Variants in CADM2 observed in about 807,000 individuals in gnomAD.
The protein encoded by CADM2 is immunoglobulin superfamily member 4D.
In CADM2, 12 loss-of-function variants were observed where a neutral mutation model predicts 49.8. The observed-to-expected ratio is 0.24, with a 90% CI of 0.15 to 0.39. The LOEUF is 0.39. Among genes scored for constraint, CADM2 ranks in the 10% least tolerant of loss-of-function variants. The pLI, the probability that CADM2 is intolerant of heterozygous loss-of-function variation, is 1.00. For missense variants in CADM2, 378 were observed against 492.3 expected, an observed-to-expected ratio of 0.77 and a Z score of 2.20; for synonymous variants, 214 against 175.4, an observed-to-expected ratio of 1.22 and a Z score of -1.74.
chr3:85,144,747 T>A (rs952162798), intron 1 of CADM2, among the ~76,000 whole-genome samples: 5 of 152,208 alleles, frequency 3.3e-5, no homozygotes, highest in Admixed American at 6.5e-5. Flanking sequence ...AAGATATTTT[T>A]TTAATTTGAT....
At chr3:86,051,967 C>CAA (rs5850728) in intron 8 of CADM2, among the ~76,000 whole-genome samples, 5 of 150,736 alleles carry the variant, frequency 3.3e-5, no homozygotes, top group East Asian at 1.9e-4. Context: ...CAGTGACTTT[C>CAA]AAAAAAAAAC....
At chr3:85,323,664 C>T (rs818217) in intron 1 of CADM2, among the ~76,000 whole-genome samples, 15,834 of 151,516 alleles carry the variant, frequency 0.1, 974 homozygotes, top group African/African-American at 0.17. Flanking sequence ...ATACTCACCA[C>T]CAGAATATCC....
At chr3:86,015,300 C>G (rs865917793) in intron 8 of CADM2, among the ~76,000 whole-genome samples, 1 of 152,136 alleles carries the variant, frequency 6.6e-6, no homozygotes, top group Admixed American at 6.5e-5. Context: ...TGAAAACCTA[C>G]CTGTTCTTCC....
rs111721752 is a variant in CADM2 at position 85,101,463 on chromosome 3, G to A, written c.61+141795G>A. 4.3e-3 allele frequency among the ~76,000 whole-genome samples: 661 copies of A among 152,202 alleles called. 2 individuals are homozygous for A. The highest frequency in any genetic ancestry group is 0.01 in the Admixed American group (155 of 15,286). ...GTAGATCACTTACATTTCTTAAAAT[G>A]TGGTATGTTGTATCAAACCTAAATA... On this transcript the variant is annotated intron_variant, in intron 1 of 9. Transcript: ENST00000383699.
intron 1 of CADM2, among the ~76,000 whole-genome samples, chr3:85,646,109 A>G (rs1213725818): frequency 6.6e-6 from 1 of 151,978 alleles, no homozygotes; most frequent in Non-Finnish European, 1.5e-5. Context: ...ACCTGGGATA[A>G]AAATTACATT....
chr3:85,546,232 G>T (rs987299613), intron 1 of CADM2, among the ~76,000 whole-genome samples: 2 of 152,170 alleles, frequency 1.3e-5, no homozygotes, highest in African/African-American at 4.8e-5. Flanking sequence ...TAGTCCTGTT[G>T]TTTGTCAATC....
At chr3:85,127,098 C>T (rs191083137) in intron 1 of CADM2, among the ~76,000 whole-genome samples, 11 of 152,184 alleles carry the variant, frequency 7.2e-5, no homozygotes, top group Non-Finnish European at 1.5e-4. Flanking sequence ...GAACTGTTAA[C>T]ATTTTACCAT....
chr3:85,641,252 A>C (rs573284268), intron 1 of CADM2, among the ~76,000 whole-genome samples: 1 of 152,204 alleles, frequency 6.6e-6, no homozygotes, highest in Non-Finnish European at 1.5e-5. Flanking sequence ...AAGTAAATAC[A>C]CTAGTAATAG....
At chr3:85,990,773 A>G (rs2108701640) in intron 8 of CADM2, among the ~76,000 whole-genome samples, 1 of 152,306 alleles carries the variant, frequency 6.6e-6, no homozygotes, top group South Asian at 2.1e-4. Flanking sequence ...GGCAACTGCT[A>G]GGTGAAGGCT....
At chr3:85,806,628 G>C (rs1286096485) in intron 3 of CADM2, among the ~76,000 whole-genome samples, 4 of 152,096 alleles carry the variant, frequency 2.6e-5, no homozygotes, top group Non-Finnish European at 5.9e-5. Context: ...CTAGCCACTT[G>C]GGAGGCTGAG....
chr3:85,959,137 T>A (rs1300298697), intron 7 of CADM2, among the ~76,000 whole-genome samples: 1 of 124,780 alleles, frequency 8.0e-6, no homozygotes, highest in East Asian at 2.4e-4. Context: ...TAGCTGTATA[T>A]CTTTATCTAT....
At chr3:85,741,114 G>A (rs979151050) in intron 2 of CADM2, among the ~76,000 whole-genome samples, 1 of 152,126 alleles carries the variant, frequency 6.6e-6, no homozygotes, top group African/African-American at 2.4e-5. Context: ...GAGGTCTGAA[G>A]GAATTAATAG....
chr3:85,922,632 A>C (rs886676706), intron 6 of CADM2, among the ~76,000 whole-genome samples: 3 of 152,052 alleles, frequency 2.0e-5, no homozygotes, highest in Admixed American at 2.0e-4. Context: ...ATGCATCTCT[A>C]CTGTGTCCTA....
In CADM2 at chr3:86,021,385, T is replaced by A. The variant is rs1466916648; in HGVS notation, c.971-44220T>A. Among the ~76,000 whole-genome samples the A allele has an allele frequency of 3.9e-4, 59 of 152,308 alleles. No homozygotes were observed. In the South Asian group the frequency reaches 0.012, roughly 31 times the overall value. Reference sequence around the variant, plus strand: ...AATTATGTTGCTTCCCGGAGGAATATATTTCCTTCTGTCCTATATCAGTGA... The same window carrying A: ...AATTATGTTGCTTCCCGGAGGAATAAATTTCCTTCTGTCCTATATCAGTGA... On this transcript the variant is annotated intron_variant, in intron 8 of 9. Coordinates refer to ENST00000383699, the MANE Select transcript of CADM2 (RefSeq NM_001167675.2).
chr3:85,045,023 G>C (rs1401405471), intron 1 of CADM2, among the ~76,000 whole-genome samples: 1 of 151,982 alleles, frequency 6.6e-6, no homozygotes, highest in Admixed American at 6.6e-5. Flanking sequence ...GCTTTAAAAA[G>C]CCACTTCATC....
intron 8 of CADM2, chr3:85,992,473 T>A (rs893879391): frequency 1.5e-4 from 23 of 152,250 alleles, no homozygotes; most frequent in Admixed American, 7.9e-4. Flanking sequence ...AGTGAAACAT[T>A]TGAATACAGA....
intron 1 of CADM2, among the ~76,000 whole-genome samples, chr3:85,270,703 T>C (rs147041500): frequency 2.4e-4 from 37 of 151,284 alleles, no homozygotes; most frequent in African/African-American, 8.9e-4. Flanking sequence ...AATATCTGGT[T>C]CCCATTGTTT....
intron 1 of CADM2, among the ~76,000 whole-genome samples, chr3:85,306,489 A>C (rs981914110): frequency 6.6e-6 from 1 of 151,778 alleles, no homozygotes; most frequent in Non-Finnish European, 1.5e-5. Context: ...TTACCATAGA[A>C]GATTAAAATG....
rs1368960212 is a variant in CADM2 at position 86,016,752 on chromosome 3, T to C, written c.971-48853T>C. 2.6e-5 allele frequency among the ~76,000 whole-genome samples: 4 copies of C among 152,332 alleles called. No individual in the cohort carries two copies. In the East Asian group the frequency reaches 7.7e-4, roughly 29 times the overall value. ...GTTAACACTTAGGGAAATCATGTTT[T>C]ATTCATATTTAATGATGATTAATAT... is the stretch of plus-strand genomic sequence containing the variant. On this transcript the variant is annotated intron_variant, in intron 8 of 9. Transcript: ENST00000383699.
Sources: allele counts gnomAD v4.1 joint callset (sites outside exome capture counted in the v4.1 genomes callset), GRCh38; gene constraint gnomAD v4.1.1; transcripts MANE v1.5; gene names NCBI Gene and HGNC (gene_info 2026-07-23, HGNC 2026-07-21).